CCSER1: variants seen among roughly 807,000 people sequenced by gnomAD.
CCSER1 encodes serine-rich coiled-coil domain-containing protein 1.
Under a neutral mutation model 82.0 loss-of-function variants are expected in CCSER1, and 41 were observed. That is an observed-to-expected ratio of 0.50 (90% CI 0.39 to 0.65). The LOEUF (loss-of-function observed/expected upper bound fraction) is 0.65. CCSER1 is among the 30% of genes least tolerant of loss of function. The pLI is 0.00. For synonymous variants in CCSER1, 414 were observed against 383.9 expected (o/e 1.08, Z -0.92); for missense variants, 1,119 against 1,064.2 (o/e 1.05, Z -0.72).
At chr4:90,579,988 A>T (rs933067480) in intron 5 of CCSER1, among the ~76,000 whole-genome samples, 9 of 152,246 alleles carry the variant, frequency 5.9e-5, no homozygotes, top group Admixed American at 1.3e-4. Flanking sequence ...AGTGAAAATA[A>T]AAAAGGAGAA....
chr4:91,554,865 C>G (rs1383562269), intron 10 of CCSER1, among the ~76,000 whole-genome samples: 1 of 151,098 alleles, frequency 6.6e-6, no homozygotes, highest in Non-Finnish European at 1.5e-5. Context: ...AAATAGAGGG[C>G]TCAGGATTAC....
chr4:90,597,194 C>T (rs1783445091), intron 5 of CCSER1, among the ~76,000 whole-genome samples: 1 of 151,920 alleles, frequency 6.6e-6, no homozygotes, highest in African/African-American at 2.4e-5. Context: ...TCTGAATAAG[C>T]TGGAAAAATA....
intron 6 of CCSER1, among the ~76,000 whole-genome samples, chr4:90,629,188 A>G (rs1467118645): frequency 1.3e-5 from 2 of 152,178 alleles, no homozygotes; most frequent in Non-Finnish European, 2.9e-5. Flanking sequence ...GGAGGCTAGA[A>G]TTGAATCAGG....
At chr4:90,231,393 C>T (rs1024830559) in intron 1 of CCSER1, among the ~76,000 whole-genome samples, 111 of 151,540 alleles carry the variant, frequency 7.3e-4, no homozygotes, top group African/African-American at 1.1e-3. Flanking sequence ...TCAATAGATG[C>T]GGAAAAGGCC....
At chr4:90,809,380 A>G (rs1580579783) in intron 7 of CCSER1, among the ~76,000 whole-genome samples, 1 of 152,218 alleles carries the variant, frequency 6.6e-6, no homozygotes, top group East Asian at 1.9e-4. Context: ...CTATTTAGCC[A>G]TAAAAATAAC....
At chr4:90,256,653 A>G (rs781310449) in intron 1 of CCSER1, among the ~76,000 whole-genome samples, 24 of 152,128 alleles carry the variant, frequency 1.6e-4, no homozygotes, top group Non-Finnish European at 1.3e-4. Flanking sequence ...ATTCATTATA[A>G]GATATAAGTT....
intron 5 of CCSER1, among the ~76,000 whole-genome samples, chr4:90,605,031 G>C (rs1404902039): frequency 6.6e-6 from 1 of 152,134 alleles, no homozygotes; most frequent in Non-Finnish European, 1.5e-5. Context: ...TTTGTTCTTT[G>C]GCTGTTGGCA....
intron 1 of CCSER1, among the ~76,000 whole-genome samples, chr4:90,271,798 A>C (rs1005729875): frequency 7.3e-6 from 1 of 136,132 alleles, no homozygotes; most frequent in South Asian, 2.4e-4. Flanking sequence ...TCACACTGCT[A>C]TAAAGATACT....
chr4:90,419,076 T>A (rs1320292347), intron 4 of CCSER1, among the ~76,000 whole-genome samples: 2 of 152,060 alleles, frequency 1.3e-5, no homozygotes, highest in Non-Finnish European at 2.9e-5. Flanking sequence ...ACCCACTTAC[T>A]GTTTCCACTA....
chr4:90,401,066 A>G (rs1752798265), intron 4 of CCSER1, among the ~76,000 whole-genome samples: 1 of 152,204 alleles, frequency 6.6e-6, no homozygotes, highest in Non-Finnish European at 1.5e-5. Flanking sequence ...ATATTTGGAT[A>G]ATAGATAATA....
chr4:91,338,010 T>TGAA (rs1747438816), intron 10 of CCSER1, among the ~76,000 whole-genome samples: 1 of 152,150 alleles, frequency 6.6e-6, no homozygotes, highest in Admixed American at 6.6e-5. Flanking sequence ...AATGCCTTTG[T>TGAA]CCTTCTCTTC....
At chr4:91,585,174 G>A (rs1763928470) in intron 10 of CCSER1, among the ~76,000 whole-genome samples, 1 of 151,434 alleles carries the variant, frequency 6.6e-6, no homozygotes. Flanking sequence ...TAGCAAGTAA[G>A]TTTAATACTA....
chr4:90,623,903 C>T (rs1418431071), intron 5 of CCSER1, among the ~76,000 whole-genome samples: 1 of 152,158 alleles, frequency 6.6e-6, no homozygotes, highest in African/African-American at 2.4e-5. Flanking sequence ...AGATTTATGT[C>T]ATTGTGCTGG....
At chr4:91,437,326 T>C (rs1364611976) in intron 10 of CCSER1, among the ~76,000 whole-genome samples, 1 of 152,150 alleles carries the variant, frequency 6.6e-6, no homozygotes, top group Admixed American at 6.5e-5. Context: ...TGAACTGTTG[T>C]GGGAGGAAAA....
intron 10 of CCSER1, among the ~76,000 whole-genome samples, chr4:91,359,770 T>C (rs1749123036): frequency 6.6e-6 from 1 of 151,772 alleles, no homozygotes; most frequent in Admixed American, 6.6e-5. Context: ...TGAGTATTGG[T>C]GCATAATTTC....
chr4:90,914,051 T>C (rs1490799747), intron 8 of CCSER1, among the ~76,000 whole-genome samples: 1 of 152,148 alleles, frequency 6.6e-6, no homozygotes, highest in Non-Finnish European at 1.5e-5. Context: ...AATGGGAGGC[T>C]TTAACACCCC....
chr4:90,810,755 G>A (rs544565338), intron 7 of CCSER1, among the ~76,000 whole-genome samples: 22 of 152,138 alleles, frequency 1.4e-4, no homozygotes, highest in Middle Eastern at 3.5e-3. Context: ...GTATGGTATG[G>A]ATGCTATGGA....
intron 8 of CCSER1, among the ~76,000 whole-genome samples, chr4:90,851,420 T>G (rs1763868980): frequency 7.0e-6 from 1 of 142,822 alleles, no homozygotes; most frequent in Non-Finnish European, 1.5e-5. Context: ...TGCCAATCAT[T>G]GTATTAATTC....
At chr4:91,078,311 C>A (rs1415778596) in intron 9 of CCSER1, among the ~76,000 whole-genome samples, 1 of 152,170 alleles carries the variant, frequency 6.6e-6, no homozygotes, top group African/African-American at 2.4e-5. Flanking sequence ...CCCAGGCAAA[C>A]AGGGTCTGGA....
Sources: gnomAD v4.1 joint callset for allele counts (sites outside exome capture counted in the v4.1 genomes callset) on GRCh38, gnomAD v4.1.1 for gene constraint, MANE v1.5 for transcripts, NCBI Gene and HGNC (gene_info 2026-07-23, HGNC 2026-07-21) for gene names.